Variants in NDC80 observed in about 807,000 individuals in gnomAD.
NDC80 encodes NDC80 kinetochore complex component.
In NDC80, 69 loss-of-function variants were observed where a neutral mutation model predicts 89.3. The observed-to-expected ratio is 0.77, with a 90% CI of 0.64 to 0.94. The LOEUF (loss-of-function observed/expected upper bound fraction) is 0.94. Among genes scored for constraint, NDC80 ranks in the 40% least tolerant of loss-of-function variants. The pLI, the probability that NDC80 is intolerant of heterozygous loss-of-function variation, is 0.00. For missense variants in NDC80, 593 were observed against 739.6 expected (o/e 0.80, Z 2.30); for synonymous variants, 243 against 255.6 (o/e 0.95, Z 0.47).
intron 6 of NDC80, among the ~76,000 whole-genome samples, chr18:2,583,455 C>G (rs1021663204): frequency 1.3e-5 from 2 of 152,144 alleles, no homozygotes; most frequent in Non-Finnish European, 2.9e-5. Flanking sequence ...AATCCCAACA[C>G]TTTGGGAGGC....
chr18:2,585,262 T>G, intron 7 of NDC80, 60 bp downstream of exon 7: 6 of 1,283,198 alleles, frequency 4.7e-6, no homozygotes, highest in South Asian at 1.2e-5. Flanking sequence ...GTGTCACTAT[T>G]GGATTTAATA....
chr18:2,607,923 G>C (rs938419016), intron 14 of NDC80, among the ~76,000 whole-genome samples: 2 of 141,082 alleles, frequency 1.4e-5, no homozygotes, highest in Non-Finnish European at 3.0e-5. Flanking sequence ...AATGTAGAGA[G>C]AGCAATCCTT....
At chr18:2,600,929 T>A (rs1047726831) in intron 12 of NDC80, among the ~76,000 whole-genome samples, 11 of 152,134 alleles carry the variant, frequency 7.2e-5, no homozygotes, top group Admixed American at 1.3e-4. Flanking sequence ...TTTAGAAAAA[T>A]GACAAGCAAT....
In NDC80 at chr18:2,577,992, A is replaced by C. The variant is rs745735491; in HGVS notation, c.327A>C (p.Ala109=). 5.0e-6 allele frequency: 8 copies of C among 1,613,870 alleles called. No homozygotes were observed. The highest frequency in any genetic ancestry group is 5.1e-6 in the Non-Finnish European group (6 of 1,179,980). ...AGTTTCTTACAGAAAATGGTTATGC[A>C]CATAATGTGTCCATGAAATCTCTAC... The part of the protein sequence containing the change: ...LCEFLTENGY[A]HNVSMKSLQA... Residue 109 remains alanine, a synonymous_variant, in exon 5 of 17, where the codon GCA becomes GCC. Coordinates refer to ENST00000261597, the MANE Select transcript of NDC80 (RefSeq NM_006101.3).
At chr18:2,611,471 A>G (rs12957867) in intron 16 of NDC80, among the ~76,000 whole-genome samples, 39,286 of 152,206 alleles carry the variant, frequency 0.26, 5,257 homozygotes, top group Middle Eastern at 0.37. Flanking sequence ...AAAACATATT[A>G]GTACATTTGA....
intron 2 of NDC80, among the ~76,000 whole-genome samples, chr18:2,574,278 G>T (rs902761277): frequency 2.6e-5 from 4 of 152,152 alleles, no homozygotes; most frequent in Non-Finnish European, 2.9e-5. Context: ...AGCTAAATGG[G>T]AGGAATAAGT....
intron 6 of NDC80, chr18:2,582,975 A>G (rs1296347337): frequency 1.3e-5 from 2 of 152,312 alleles, no homozygotes; most frequent in East Asian, 1.9e-4. Flanking sequence ...GGTTGCATAC[A>G]CTTCAGGAGC....
chr18:2,593,039 TGTGTGTGTGTGTGTGTC>T (rs1169423251), intron 10 of NDC80, among the ~76,000 whole-genome samples: 73 of 131,284 alleles, frequency 5.6e-4, no homozygotes, highest in African/African-American at 2.2e-3. Context: ...TGTGTGTGTG[TGTGTGTGTGTGTGTGTC>T]TTTTTTTTTT....
chr18:2,609,894 G>T (rs1322407990), intron 15 of NDC80, among the ~76,000 whole-genome samples: 4 of 152,202 alleles, frequency 2.6e-5, no homozygotes, highest in African/African-American at 9.6e-5. Flanking sequence ...TCTCAGGAAA[G>T]AAACTGGCAT....
intron 2 of NDC80, 46 bp downstream of exon 2, chr18:2,573,132 A>G: frequency 1.4e-6 from 2 of 1,435,524 alleles, no homozygotes; most frequent in South Asian, 1.2e-5. Flanking sequence ...TTATCATCTT[A>G]GGCAAAGAAA....
chr18:2,585,264 G>A, intron 7 of NDC80, 62 bp downstream of exon 7: 2 of 1,264,736 alleles, frequency 1.6e-6, no homozygotes, highest in Non-Finnish European at 2.3e-6. Context: ...GTCACTATTG[G>A]ATTTAATACA....
In NDC80 at chr18:2,612,276, C is replaced by CTTTTTTTTTTTTTTTTT. The variant is rs55648444; in HGVS notation, c.1791+1432_1791+1448dup. 4.3e-4 allele frequency among the ~76,000 whole-genome samples: 26 copies of CTTTTTTTTTTTTTTTTT among 60,402 alleles called. 2 individuals are homozygous for CTTTTTTTTTTTTTTTTT. Among genetic ancestry groups the CTTTTTTTTTTTTTTTTT allele is most frequent in the African/African-American group, 7.7e-4 (12 of 15,514 alleles). 39.6% of individuals were successfully genotyped at this position (60,402 alleles called of 152,430 possible). A position where few individuals can be genotyped will look rare whatever the true frequency, so the allele number is the denominator to read the frequency against. ...TAGCACCTCTGACTTTCTTTTCTTT[C>CTTTTTTTTTTTTTTTTT]TTTTTTTTTTTTTTTTTTTTTTTTT... On this transcript the variant is annotated intron_variant, in intron 16 of 16. Transcript: ENST00000261597.
At chr18:2,582,058 GT>G in intron 6 of NDC80, 1 of 672 alleles carries the variant, frequency 1.5e-3, no homozygotes, top group South Asian at 0.023. Context: ...GTGGTTTTTT[GT>G]TTGTTTGTTT....
At chr18:2,597,791 C>T (rs1183298280) in intron 11 of NDC80, among the ~76,000 whole-genome samples, 2 of 151,752 alleles carry the variant, frequency 1.3e-5, no homozygotes, top group Non-Finnish European at 2.9e-5. Flanking sequence ...ATTCTGACAA[C>T]TTAGAGGTAG....
chr18:2,578,210 G>T, intron 5 of NDC80, 69 bp downstream of exon 5: 1 of 1,447,082 alleles, frequency 6.9e-7, no homozygotes, highest in Non-Finnish European at 9.4e-7. Context: ...AAATCAATTT[G>T]TAAAAAGTTT....
intron 12 of NDC80, among the ~76,000 whole-genome samples, chr18:2,600,659 G>A (rs2072679928): frequency 6.6e-6 from 1 of 151,004 alleles, no homozygotes; most frequent in Non-Finnish European, 1.5e-5. Context: ...TCTTTTGCAA[G>A]GAGCAGGCCA....
At chr18:2,602,985 T>A (rs1168875900) in intron 13 of NDC80, among the ~76,000 whole-genome samples, 2 of 152,156 alleles carry the variant, frequency 1.3e-5, no homozygotes, top group East Asian at 3.8e-4. Flanking sequence ...AGTATCAACA[T>A]GACTTCCATA....
chr18:2,585,708 C>G (rs774053727), intron 7 of NDC80, among the ~76,000 whole-genome samples: 1 of 151,594 alleles, frequency 6.6e-6, no homozygotes, highest in African/African-American at 2.4e-5. Context: ...CTGTTTGAAT[C>G]ACATTATAAT....
In NDC80 at chr18:2,599,180, T is replaced by C; in HGVS notation, c.1374+9T>C. Reference sequence around the variant, plus strand: ...ACAGGGCTCAAGTTTATGTAAGTAATCATGACTACTTTTAAGATTTTTTTA... The same window carrying C: ...ACAGGGCTCAAGTTTATGTAAGTAACCATGACTACTTTTAAGATTTTTTTA... On this transcript the variant is annotated intron_variant, in intron 12 of 16. Transcript: ENST00000261597. 6.3e-7 allele frequency: 1 copy of C among 1,593,090 alleles called. No homozygotes were observed. The highest frequency in any genetic ancestry group is 8.5e-7 in the Non-Finnish European group (1 of 1,172,950).
Sources: allele counts gnomAD v4.1 joint callset (sites outside exome capture counted in the v4.1 genomes callset), GRCh38; gene constraint gnomAD v4.1.1; transcripts MANE v1.5; gene names NCBI Gene and HGNC (gene_info 2026-07-23, HGNC 2026-07-21).